The following GALNTL6 variants were observed in gnomAD, a reference collection of about 807,000 sequenced individuals.
GALNTL6 encodes the protein polypeptide N-acetylgalactosaminyltransferase-like 6.
In GALNTL6, 46 loss-of-function variants were observed where a neutral mutation model predicts 73.7. The ratio of observed to expected loss-of-function variants is 0.62; its 90% CI spans 0.49 to 0.80. GALNTL6 has a LOEUF of 0.80. Ranked by LOEUF, GALNTL6 falls within the 30% of genes least tolerant of loss-of-function variation. The pLI is 0.00. For synonymous variants in GALNTL6, 259 were observed against 263.7 expected, an observed-to-expected ratio of 0.98 and a Z score of 0.17; for missense variants, 604 against 755.0, an observed-to-expected ratio of 0.80 and a Z score of 2.34.
At chr4:172,700,988 G>A (rs999606897) in intron 5 of GALNTL6, among the ~76,000 whole-genome samples, 1 of 152,044 alleles carries the variant, frequency 6.6e-6, no homozygotes, top group African/African-American at 2.4e-5. Flanking sequence ...GGAGCCTGAG[G>A]CCTCATGGAA....
chr4:172,421,650 A>G (rs1561075680), intron 5 of GALNTL6, among the ~76,000 whole-genome samples: 1 of 152,088 alleles, frequency 6.6e-6, no homozygotes, highest in Non-Finnish European at 1.5e-5. Flanking sequence ...AAAACTTTAA[A>G]TAACTCTACA....
chr4:173,004,682 G>A (rs1752197230), intron 10 of GALNTL6, among the ~76,000 whole-genome samples: 1 of 152,042 alleles, frequency 6.6e-6, no homozygotes, highest in Non-Finnish European at 1.5e-5. Flanking sequence ...TCCATAAAAG[G>A]GAGCATCTTA....
intron 2 of GALNTL6, among the ~76,000 whole-genome samples, chr4:172,089,573 A>C (rs1458059346): frequency 2.0e-5 from 3 of 152,188 alleles, no homozygotes; most frequent in Non-Finnish European, 4.4e-5. Flanking sequence ...AGGAAACTGA[A>C]TATTCAGGAT....
At chr4:172,304,439 A>G (rs1578933724) in intron 3 of GALNTL6, among the ~76,000 whole-genome samples, 2 of 147,710 alleles carry the variant, frequency 1.4e-5, no homozygotes, top group Non-Finnish European at 3.0e-5. Flanking sequence ...AAAAAAAGCA[A>G]ATTTGGGAAA....
chr4:171,878,308 CT>C (rs1401466868), intron 2 of GALNTL6, among the ~76,000 whole-genome samples: 1 of 152,192 alleles, frequency 6.6e-6, no homozygotes, highest in Admixed American at 6.5e-5. Context: ...ACTTTATAGA[CT>C]TGTGTAATGA....
At chr4:173,010,050 T>C (rs985705776) in intron 11 of GALNTL6, among the ~76,000 whole-genome samples, 1 of 152,222 alleles carries the variant, frequency 6.6e-6, no homozygotes, top group Non-Finnish European at 1.5e-5. Flanking sequence ...AATTAACTTA[T>C]TATTGACTAT....
chr4:172,069,607 A>ATATATATAATATATATAACACATATATGT lies in GALNTL6; in HGVS notation c.139-160041_139-160040insATATATATAACACATATATGTTATATATA, dbSNP rs1731492387. 3.3e-5 allele frequency among the ~76,000 whole-genome samples: 2 copies of ATATATATAATATATATAACACATATATGT among 60,720 alleles called. 1 individual carries two copies. Among genetic ancestry groups the ATATATATAATATATATAACACATATATGT allele is most frequent in the African/African-American group, 1.0e-4 (2 of 19,506 alleles). 39.8% of individuals were successfully genotyped at this position (60,720 alleles called of 152,430 possible). On this transcript the variant is annotated intron_variant, in intron 2 of 12. Coordinates refer to ENST00000506823, the MANE Select transcript of GALNTL6 (RefSeq NM_001034845.3). ...ATTATATATATAACACATATATGTT[A>ATATATATAATATATATAACACATATATGT]TATATATATAACATATATATATATC...
intron 5 of GALNTL6, among the ~76,000 whole-genome samples, chr4:172,503,538 A>ATATATATAT (rs1368647814): frequency 1.0e-5 from 1 of 95,322 alleles, no homozygotes; most frequent in Non-Finnish European, 2.5e-5. Flanking sequence ...ATATATATAT[A>ATATATATAT]TATATATATA....
chr4:172,007,010 C>A (rs2202484), intron 2 of GALNTL6, among the ~76,000 whole-genome samples: 142,422 of 152,182 alleles, frequency 0.94, 66,936 homozygotes, highest in East Asian at 1. Context: ...TTCTGTTTTC[C>A]GGAAAAGTAA....
chr4:171,892,735 A>T lies in GALNTL6; in HGVS notation c.138+78017A>T, dbSNP rs115077073. Among the ~76,000 whole-genome samples the T allele has an allele frequency of 7.2e-3, 1,100 of 152,054 alleles. 16 individuals carry two copies. Among genetic ancestry groups the T allele is most frequent in the African/African-American group, 0.025 (1,021 of 41,474 alleles). ...GACACAACACCTGGATAATTTTTTT[A>T]AAAAAATTTGTATAGACGAGGTCTT... is the stretch of plus-strand genomic sequence containing the variant. On this transcript the variant is annotated intron_variant, in intron 2 of 12. Transcript: ENST00000506823.
Position 172,629,709 on chromosome 4 carries a change from C to T in GALNTL6, c.554-179652C>T, listed in dbSNP as rs184893446. 2.6e-3 allele frequency among the ~76,000 whole-genome samples: 395 copies of T among 152,076 alleles called. 6 individuals carry two copies. Among genetic ancestry groups the T allele is most frequent in the Non-Finnish European group, 9.6e-4 (65 of 67,984 alleles). ...TTCAATTAAAAGATTGTTTATGATC[C>T]CCATAGGTATAGATAGAAATGAAGG... is the stretch of plus-strand genomic sequence containing the variant. On this transcript the variant is annotated intron_variant, in intron 5 of 12. Coordinates refer to ENST00000506823, the MANE Select transcript of GALNTL6 (RefSeq NM_001034845.3).
At chr4:172,711,992 A>G (rs1445019264) in intron 5 of GALNTL6, among the ~76,000 whole-genome samples, 1 of 152,178 alleles carries the variant, frequency 6.6e-6, no homozygotes, top group East Asian at 1.9e-4. Flanking sequence ...GAGCACTTCA[A>G]GAGGACAGAG....
chr4:172,056,351 T>TACCATACAAGTA (rs1731019020), intron 2 of GALNTL6, among the ~76,000 whole-genome samples: 1 of 152,176 alleles, frequency 6.6e-6, no homozygotes, highest in Admixed American at 6.6e-5. Context: ...TATATACAAG[T>TACCATACAAGTA]ACCATAATTG....
chr4:172,988,064 T>C (rs1751374273), intron 10 of GALNTL6, among the ~76,000 whole-genome samples: 1 of 152,186 alleles, frequency 6.6e-6, no homozygotes, highest in South Asian at 2.1e-4. Flanking sequence ...GCTTTGGAAC[T>C]GGATAGTGGG....
rs913755760 is a variant in GALNTL6, at chr4:171,815,118, G to A, written c.138+400G>A. 5 of 264,974 alleles carry A rather than the reference G, an allele frequency of 1.9e-5. No homozygotes were observed. In the Admixed American group the frequency reaches 2.1e-4, roughly 11 times the overall value. The allele number at this position is 264,974 out of a possible 1,614,324, so 16.4% of individuals were successfully genotyped here. A position where few individuals can be genotyped will look rare whatever the true frequency, so the allele number is the denominator to read the frequency against. On this transcript the variant is annotated intron_variant, in intron 2 of 12. Transcript: ENST00000506823. ...GCATGTCTATGTTCAGGTGAATTGG[G>A]CCAACTAAATCATTAAGATTGTGAA...
intron 2 of GALNTL6, among the ~76,000 whole-genome samples, chr4:171,994,727 G>GAAAA (rs11438346): frequency 1.3e-5 from 2 of 149,844 alleles, no homozygotes; most frequent in East Asian, 3.9e-4. Context: ...TACAAAATAT[G>GAAAA]AAAAAAAAAG....
intron 5 of GALNTL6, among the ~76,000 whole-genome samples, chr4:172,710,748 TA>T (rs1396750477): frequency 1.3e-5 from 2 of 152,176 alleles, no homozygotes; most frequent in Non-Finnish European, 2.9e-5. Context: ...ATAAAATTAT[TA>T]AATCGATAAT....
chr4:172,023,430 G>A lies in GALNTL6; in HGVS notation c.139-206226G>A, dbSNP rs181456613. On this transcript the variant is annotated intron_variant, in intron 2 of 12. Coordinates refer to ENST00000506823, the MANE Select transcript of GALNTL6 (RefSeq NM_001034845.3). Reference sequence around the variant, plus strand: ...AAAGTAAAAACCTTTCACATGTTGGGTATCTTTTCGTAAGTCAAACAAAAA... The same window carrying A: ...AAAGTAAAAACCTTTCACATGTTGGATATCTTTTCGTAAGTCAAACAAAAA... 2.1e-4 allele frequency among the ~76,000 whole-genome samples: 32 copies of A among 151,580 alleles called. 1 individual carries two copies. Among genetic ancestry groups the A allele is most frequent in the Admixed American group, 2.1e-3 (32 of 15,188 alleles).
intron 5 of GALNTL6, among the ~76,000 whole-genome samples, chr4:172,602,495 T>C (rs201059405): frequency 0.49 from 74,381 of 151,910 alleles, 19,660 homozygotes; most frequent in East Asian, 0.74. Context: ...TTAAATTAGG[T>C]TTAAATTATT....
Sources: allele counts gnomAD v4.1 joint callset (sites outside exome capture counted in the v4.1 genomes callset), GRCh38; gene constraint gnomAD v4.1.1; transcripts MANE v1.5; gene names NCBI Gene and HGNC (gene_info 2026-07-23, HGNC 2026-07-21).